The following AQP1 variants were observed in gnomAD, a reference collection of about 807,000 sequenced individuals.
The protein encoded by AQP1 is aquaporin 1 (Colton blood group), also known as aquaporin-1.
In AQP1, 11 loss-of-function variants were observed where a neutral mutation model predicts 19.7. The ratio of observed to expected loss-of-function variants is 0.56; its 90% confidence interval spans 0.35 to 0.92. AQP1 has a LOEUF of 0.92. Among genes scored for constraint, AQP1 ranks in the 40% least tolerant of loss-of-function variants. The pLI is 0.01. For missense variants in AQP1, 320 were observed against 369.7 expected, an observed-to-expected ratio of 0.87 and a Z score of 1.10; for synonymous variants, 159 against 166.7, an observed-to-expected ratio of 0.95 and a Z score of 0.36.
intron 2 of AQP1, 140 bp from the exon 3 acceptor site, chr7:30,922,424 G>T (rs1584390023): frequency 5.5e-6 from 7 of 1,280,060 alleles, no homozygotes; most frequent in Non-Finnish European, 7.9e-6. Flanking sequence ...CCAGCTTGGG[G>T]TCAGCACTCC....
Position 30,924,018 on chromosome 7 carries a change from T to G in AQP1, c.*389T>G, listed in dbSNP as rs1456170074. The G allele has an allele frequency of 7.5e-7, 1 of 1,336,692 alleles. No homozygotes were observed. The highest frequency in any genetic ancestry group is 1.5e-5 in the African/African-American group (1 of 67,422). 82.8% of individuals were successfully genotyped at this position (1,336,692 alleles called of 1,614,324 possible). A position where few individuals can be genotyped will look rare whatever the true frequency, so the allele number is the denominator to read the frequency against. On this transcript the variant is annotated 3_prime_UTR_variant, in exon 4 of 4. Transcript: ENST00000311813. ...CTGGGATTCTACCGTAATTGCTTTG[T>G]GCCTTTGGGCACGGCCCTCCTTCTT...
At chr7:30,915,777 C>G (rs1232742215) in intron 1 of AQP1, among the ~76,000 whole-genome samples, 6 of 152,158 alleles carry the variant, frequency 3.9e-5, no homozygotes, top group Non-Finnish European at 7.4e-5. Flanking sequence ...TCCCCTTTAT[C>G]CCGTTTTTCT....
chr7:30,913,741 G>A (rs557673481), intron 1 of AQP1, among the ~76,000 whole-genome samples: 1 of 152,196 alleles, frequency 6.6e-6, no homozygotes, highest in Non-Finnish European at 1.5e-5. Flanking sequence ...CTAGGCCCAA[G>A]ATTGAAGATT....
Position 30,912,060 on chromosome 7 carries a change from A to G in AQP1, c.151A>G (p.Lys51Glu). The change falls in exon 1 of 4, where the codon AAG becomes GAG. Residue 51 changes from lysine (K) to glutamate (E), a missense_variant. Transcript: ENST00000311813. The surrounding 1 kb of genome is among the most constrained non-coding windows in gnomAD (Gnocchi z 4.3). ...NNQTAVQDNV[K>E]VSLAFGLSIA... ...CCAGACGGCGGTCCAGGACAACGTG[A>G]AGGTGTCGCTGGCCTTCGGGCTGAG... is the stretch of plus-strand genomic sequence containing the variant. 6.2e-7 allele frequency: 1 copy of G among 1,613,436 alleles called. No individual in the cohort carries two copies. Among genetic ancestry groups the G allele is most frequent in the South Asian group, 1.1e-5 (1 of 91,086 alleles).
intron 1 of AQP1, among the ~76,000 whole-genome samples, chr7:30,920,695 C>T (rs901088958): frequency 9.2e-5 from 14 of 152,200 alleles, no homozygotes; most frequent in Non-Finnish European, 1.6e-4. Flanking sequence ...GTAGAAGAGT[C>T]AGAACCTGAA....
chr7:30,922,705 AC>A lies in AQP1; in HGVS notation c.630+64del, dbSNP rs1383488966. The A allele has an allele frequency of 2.0e-6, 3 of 1,477,566 alleles. No homozygotes were observed. In the African/African-American group the frequency reaches 4.2e-5, roughly 21 times the overall value. 91.5% of individuals were successfully genotyped at this position (1,477,566 alleles called of 1,614,324 possible). ...GGTGTCCCATGGTAAGCCTGACCCC[AC>A]CCTCACAGTGTCCCTTCCTGTTCTG... On this transcript the variant is annotated intron_variant, in intron 3 of 3. Coordinates refer to ENST00000311813, the MANE Select transcript of AQP1 (RefSeq NM_198098.4).
intron 1 of AQP1, among the ~76,000 whole-genome samples, chr7:30,914,622 G>T (rs1791264507): frequency 6.6e-6 from 1 of 152,210 alleles, no homozygotes; most frequent in Non-Finnish European, 1.5e-5. Context: ...CTCAGGGGTG[G>T]CCTGGATGCC....
In AQP1 at chr7:30,923,729, C is replaced by G; in HGVS notation, c.*100C>G. 6.7e-7 allele frequency: 1 copy of G among 1,503,064 alleles called. No individual in the cohort carries two copies. The highest frequency in any genetic ancestry group is 8.9e-7 in the Non-Finnish European group (1 of 1,122,044). 93.1% of individuals were successfully genotyped at this position (1,503,064 alleles called of 1,614,324 possible). A position where few individuals can be genotyped will look rare whatever the true frequency, so the allele number is the denominator to read the frequency against. On this transcript the variant is annotated 3_prime_UTR_variant, in exon 4 of 4. Coordinates refer to ENST00000311813, the MANE Select transcript of AQP1 (RefSeq NM_198098.4). The surrounding 1 kb of genome is among the most constrained non-coding windows in gnomAD (Gnocchi z 4.8). The stretch of plus-strand genomic sequence containing the variant: ...TACTGTAGACACTCTGACAAGCTGG[C>G]CAAAGTCACTTCCCCAAGATCTGCC...
chr7:30,924,144 C>T lies in AQP1; in HGVS notation c.*515C>T. On this transcript the variant is annotated 3_prime_UTR_variant, in exon 4 of 4. Transcript: ENST00000311813. ...CTTTGCTCCTTCAGTTCTGCTTGCT[C>T]CCAAGCCCCTGACCCGCTCGGACTT... 8.4e-7 allele frequency: 1 copy of T among 1,186,984 alleles called. No individual in the cohort carries two copies. Among genetic ancestry groups the T allele is most frequent in the South Asian group, 1.6e-5 (1 of 60,622 alleles). 73.5% of individuals were successfully genotyped at this position (1,186,984 alleles called of 1,614,324 possible).
Position 30,923,762 on chromosome 7 carries a change from C to T in AQP1, c.*133C>T, listed in dbSNP as rs1373923999. The T allele has an allele frequency of 5.3e-6, 8 of 1,505,258 alleles. No homozygotes were observed. The highest frequency in any genetic ancestry group is 3.9e-5 in the South Asian group (3 of 76,552). The allele number at this position is 1,505,258 out of a possible 1,614,324, so 93.2% of individuals were successfully genotyped here. ...ACTTCCCCAAGATCTGCCAGACCTG[C>T]ATGGTCAAGCCTCTTATGGGGGTGT... On this transcript the variant is annotated 3_prime_UTR_variant, in exon 4 of 4. Transcript: ENST00000311813. The surrounding 1 kb of genome is among the most constrained non-coding windows in gnomAD (Gnocchi z 4.8).
intron 1 of AQP1, 56 bp from the exon 2 acceptor site, chr7:30,922,010 G>C (rs1791516362): frequency 1.2e-6 from 2 of 1,608,764 alleles, no homozygotes; most frequent in Non-Finnish European, 1.7e-6. Flanking sequence ...TGGGGTCCTG[G>C]GACACAGTCC....
rs778142634 is a variant in AQP1 at position 30,923,988 on chromosome 7, A to C, written c.*359A>C. The C allele has an allele frequency of 1.5e-5, 21 of 1,377,848 alleles. No homozygotes were observed. In the African/African-American group the frequency reaches 2.8e-4, roughly 18 times the overall value. The allele number at this position is 1,377,848 out of a possible 1,614,324, so 85.4% of individuals were successfully genotyped here. A position where few individuals can be genotyped will look rare whatever the true frequency, so the allele number is the denominator to read the frequency against. On this transcript the variant is annotated 3_prime_UTR_variant, in exon 4 of 4. Transcript: ENST00000311813. The surrounding 1 kb of genome is among the most constrained non-coding windows in gnomAD (Gnocchi z 4.8). ...AGTTGCTCACCGACTCACCTGCGCA[A>C]GTGCCTGGGATTCTACCGTAATTGC...
Position 30,924,209 on chromosome 7 carries a change from G to A in AQP1, c.*580G>A. On this transcript the variant is annotated 3_prime_UTR_variant, in exon 4 of 4. Transcript: ENST00000311813. The stretch of plus-strand genomic sequence containing the variant: ...GAATCGTCCCTATATCAGGGCCTGA[G>A]TGACCTCCTTCTGCAAAGTGGCAGG... 1 of 888,654 alleles carries A rather than the reference G, an allele frequency of 1.1e-6. No individual in the cohort carries two copies. Among genetic ancestry groups the A allele is most frequent in the Non-Finnish European group, 1.4e-6 (1 of 692,974 alleles). The allele number at this position is 888,654 out of a possible 1,614,324, so 55.0% of individuals were successfully genotyped here.
rs370157138 is a variant in AQP1, at chr7:30,922,584, G to T, written c.570G>T (p.Gly190=). The change falls in exon 3 of 4, where the codon GGG becomes GGT. Residue 190 remains glycine, a synonymous_variant. Transcript: ENST00000311813. ...HLLAIDYTGC[G]INPARSFGSA... ...CACAGATTGACTACACTGGCTGTGG[G>T]ATTAACCCTGCTCGGTCCTTTGGCT... 1.1e-4 allele frequency: 178 copies of T among 1,614,024 alleles called. No homozygotes were observed. Among genetic ancestry groups the T allele is most frequent in the Non-Finnish European group, 1.5e-4 (172 of 1,180,018 alleles).
At chr7:30,913,898 C>A (rs1791239945) in intron 1 of AQP1, among the ~76,000 whole-genome samples, 1 of 152,140 alleles carries the variant, frequency 6.6e-6, no homozygotes, top group South Asian at 2.1e-4. Context: ...TCAGGGAGTT[C>A]TGCTGGGTAG....
chr7:30,921,266 T>A (rs1341492555), intron 1 of AQP1: 43 of 1,226,280 alleles, frequency 3.5e-5, no homozygotes, highest in Non-Finnish European at 4.3e-5. Flanking sequence ...TCACAGCAGC[T>A]TCCATTCCCT....
At position 30,912,413 on chromosome 7, in the gene AQP1, G is replaced by A; in HGVS notation, c.384+120G>A. 1.4e-6 allele frequency: 2 copies of A among 1,437,134 alleles called. No individual in the cohort carries two copies. The highest frequency in any genetic ancestry group is 1.9e-6 in the Non-Finnish European group (2 of 1,066,728). The allele number at this position is 1,437,134 out of a possible 1,614,324, so 89.0% of individuals were successfully genotyped here. Reference sequence around the variant, plus strand: ...GGAACGGAGAGGACAAGAGGTTGCTGGAGGTCACGTAGAGAGCTGGGGGGA... The same window carrying A: ...GGAACGGAGAGGACAAGAGGTTGCTAGAGGTCACGTAGAGAGCTGGGGGGA... On this transcript the variant is annotated intron_variant, in intron 1 of 3. Coordinates refer to ENST00000311813, the MANE Select transcript of AQP1 (RefSeq NM_198098.4). The surrounding 1 kb of genome is among the most constrained non-coding windows in gnomAD (Gnocchi z 4.3).
Position 30,924,285 on chromosome 7 carries a change from G to C in AQP1, c.*656G>C. 1 of 285,334 alleles carries C rather than the reference G, an allele frequency of 3.5e-6. No individual in the cohort carries two copies. The highest frequency in any genetic ancestry group is 6.3e-5 in the South Asian group (1 of 15,812). The allele number at this position is 285,334 out of a possible 1,614,324, so 17.7% of individuals were successfully genotyped here. Reference sequence around the variant, plus strand: ...AGCCCCTAAGTGCAAACACAGCATGGGTCCAGAAGACGTGGTCTAGACCAG... The same window carrying C: ...AGCCCCTAAGTGCAAACACAGCATGCGTCCAGAAGACGTGGTCTAGACCAG... On this transcript the variant is annotated 3_prime_UTR_variant, in exon 4 of 4. Coordinates refer to ENST00000311813, the MANE Select transcript of AQP1 (RefSeq NM_198098.4).
intron 1 of AQP1, among the ~76,000 whole-genome samples, chr7:30,918,396 C>G (rs1791413816): frequency 6.6e-6 from 1 of 152,190 alleles, no homozygotes; most frequent in Non-Finnish European, 1.5e-5. Flanking sequence ...GTGGTCATCA[C>G]AGACACAGCA....
Sources: allele counts gnomAD v4.1 joint callset (sites outside exome capture counted in the v4.1 genomes callset), GRCh38; gene constraint gnomAD v4.1.1; non-coding constraint Gnocchi (gnomAD v3.1); transcripts MANE v1.5; gene names NCBI Gene and HGNC (gene_info 2026-07-23, HGNC 2026-07-21).